The following TENM2 variants were observed in gnomAD, a reference collection of about 807,000 sequenced individuals.
TENM2 encodes the protein teneurin-2.
In TENM2, 52 loss-of-function variants were observed where a neutral mutation model predicts 245.2. The ratio of observed to expected loss-of-function variants is 0.21; its 90% CI spans 0.17 to 0.27. TENM2 has a LOEUF of 0.27. TENM2 is among the 10% of genes least tolerant of loss of function. The pLI is 1.00. For missense variants in TENM2, 3,046 were observed against 3,666.8 expected, an observed-to-expected ratio of 0.83 and a Z score of 4.37; for synonymous variants, 1,363 against 1,438.9, an observed-to-expected ratio of 0.95 and a Z score of 1.19.
chr5:167,037,191 A>G, the TENM2 span, among the ~76,000 whole-genome samples: 1 of 152,228 alleles, frequency 6.6e-6, no homozygotes, highest in Non-Finnish European at 1.5e-5. Context: ...CAGTTCTGAC[A>G]AGGACATTTC....
chr5:167,274,662 G>A, the TENM2 span, among the ~76,000 whole-genome samples: 1 of 147,746 alleles, frequency 6.8e-6, no homozygotes, highest in Non-Finnish European at 1.5e-5. Flanking sequence ...CATCCTTTCT[G>A]GCAATTAGTT....
At chr5:167,085,870 G>A in the TENM2 span, among the ~76,000 whole-genome samples, 1 of 152,168 alleles carries the variant, frequency 6.6e-6, no homozygotes, top group South Asian at 2.1e-4. Context: ...AGCAGTACAG[G>A]TAGGAAGGCT....
chr5:167,714,488 A>T (rs1759123561), intron 2 of TENM2, among the ~76,000 whole-genome samples: 1 of 152,146 alleles, frequency 6.6e-6, no homozygotes, highest in African/African-American at 2.4e-5. Context: ...CTCTTAGCTG[A>T]ATTACCCAAG....
intron 1 of TENM2, among the ~76,000 whole-genome samples, chr5:167,302,887 G>A (rs1261465752): frequency 6.6e-6 from 1 of 152,168 alleles, no homozygotes; most frequent in Non-Finnish European, 1.5e-5. Flanking sequence ...TAAATAATCA[G>A]AGAGGTGTCC....
intron 2 of TENM2, among the ~76,000 whole-genome samples, chr5:167,457,955 A>C (rs557717811): frequency 6.6e-6 from 1 of 152,302 alleles, no homozygotes; most frequent in African/African-American, 2.4e-5. Flanking sequence ...TTTCAAATGC[A>C]GTCATTTGGG....
the TENM2 span, among the ~76,000 whole-genome samples, chr5:167,237,549 A>G: frequency 7.2e-5 from 11 of 152,358 alleles, no homozygotes; most frequent in Non-Finnish European, 1.3e-4. Flanking sequence ...TGTTTAATGA[A>G]CATTTAAAAG....
chr5:168,078,701 T>G (rs904889320), intron 7 of TENM2, among the ~76,000 whole-genome samples: 44 of 152,254 alleles, frequency 2.9e-4, no homozygotes, highest in East Asian at 7.7e-4. Flanking sequence ...TTTCCCCATT[T>G]CTTGTTTTTG....
intron 2 of TENM2, among the ~76,000 whole-genome samples, chr5:167,835,361 G>A (rs747973843): frequency 6.6e-6 from 1 of 152,170 alleles, no homozygotes; most frequent in Non-Finnish European, 1.5e-5. Flanking sequence ...TTTCCTGATT[G>A]GGCAAGAAAA....
chr5:167,815,919 C>T (rs1767014280), intron 2 of TENM2, among the ~76,000 whole-genome samples: 1 of 151,706 alleles, frequency 6.6e-6, no homozygotes, highest in African/African-American at 2.4e-5. Flanking sequence ...TTTGTTCCCT[C>T]CATAGTATGA....
At chr5:167,154,163 A>G in the TENM2 span, among the ~76,000 whole-genome samples, 1 of 152,190 alleles carries the variant, frequency 6.6e-6, no homozygotes, top group Non-Finnish European at 1.5e-5. Flanking sequence ...AAGACTACAA[A>G]TTGGTCTGTT....
chr5:168,125,999 G>C (rs1462399020), intron 11 of TENM2, among the ~76,000 whole-genome samples: 1 of 152,190 alleles, frequency 6.6e-6, no homozygotes, highest in African/African-American at 2.4e-5. Context: ...TCCCTCAATA[G>C]ACTGATGAAA....
intron 13 of TENM2, among the ~76,000 whole-genome samples, chr5:168,180,630 GCA>G (rs1467182661): frequency 6.6e-6 from 1 of 152,196 alleles, no homozygotes; most frequent in African/African-American, 2.4e-5. Context: ...GCACAGTGGT[GCA>G]CACCTGTCAT....
rs1352442549 is a variant in TENM2 at position 168,145,756 on chromosome 5, T to A, written c.2423-16855T>A. Among the ~76,000 whole-genome samples the A allele has an allele frequency of 3.3e-5, 5 of 150,180 alleles. No individual in the cohort carries two copies. In the East Asian group the frequency reaches 7.8e-4, roughly 24 times the overall value. ...CTTGATGGGGATGGCATTGAATCTG[T>A]AAATTACCTTGGGCAGTATGGCCAT... On this transcript the variant is annotated intron_variant, in intron 12 of 28. Coordinates refer to ENST00000518659, the Ensembl canonical transcript of TENM2.
intron 2 of TENM2, among the ~76,000 whole-genome samples, chr5:167,452,634 A>G (rs145668209): frequency 1.3e-5 from 2 of 151,946 alleles, no homozygotes; most frequent in South Asian, 4.2e-4. Flanking sequence ...ACAAGAATGC[A>G]TGGTTGTTTC....
chr5:167,242,022 C>G, the TENM2 span, among the ~76,000 whole-genome samples: 1 of 144,978 alleles, frequency 6.9e-6, no homozygotes, highest in African/African-American at 2.6e-5. Flanking sequence ...TTTAGGTTTT[C>G]TTTGTTTTCT....
At chr5:167,889,693 G>C (rs902778096) in intron 3 of TENM2, among the ~76,000 whole-genome samples, 7 of 151,974 alleles carry the variant, frequency 4.6e-5, no homozygotes, top group South Asian at 2.1e-4. Context: ...TTCTCTGTGG[G>C]TTCTTCTCGT....
At chr5:168,078,862 A>G (rs374278244) in intron 7 of TENM2, among the ~76,000 whole-genome samples, 5 of 152,256 alleles carry the variant, frequency 3.3e-5, no homozygotes, top group African/African-American at 7.2e-5. Flanking sequence ...GTCAGGTAGC[A>G]TGATGCCTCC....
intron 1 of TENM2, among the ~76,000 whole-genome samples, chr5:167,368,273 A>T (rs137880720): frequency 6.6e-6 from 1 of 152,172 alleles, no homozygotes; most frequent in Non-Finnish European, 1.5e-5. Flanking sequence ...ATTATTCACT[A>T]TTTGAATGAT....
the TENM2 span, among the ~76,000 whole-genome samples, chr5:167,016,448 G>A: frequency 6.6e-6 from 1 of 151,770 alleles, no homozygotes; most frequent in African/African-American, 2.4e-5. Flanking sequence ...AAAACCTTAC[G>A]AATTCCTGAT....
Sources: gnomAD v4.1 joint callset for allele counts (sites outside exome capture counted in the v4.1 genomes callset) on GRCh38, gnomAD v4.1.1 for gene constraint, MANE v1.5 for transcripts, NCBI Gene and HGNC (gene_info 2026-07-23, HGNC 2026-07-21) for gene names.